TRAPPC9: variants seen among roughly 807,000 people sequenced by gnomAD.
TRAPPC9 encodes trafficking protein particle complex subunit 9.
TRAPPC9 carries 83 observed loss-of-function variants against 124.0 expected under a neutral mutation model. The ratio of observed to expected loss-of-function variants is 0.67; its 90% CI spans 0.56 to 0.80. The LOEUF (loss-of-function observed/expected upper bound fraction) is 0.80, where lower values mean the gene tolerates loss of function less well. Among genes scored for constraint, TRAPPC9 ranks in the 30% least tolerant of loss-of-function variants. The probability of loss-of-function intolerance (pLI) is 0.00; values close to 1 mark genes in which losing one functional copy is unlikely to be tolerated. For synonymous variants in TRAPPC9, 638 were observed against 617.5 expected (o/e 1.03, Z -0.49); for missense variants, 1,302 against 1,508.3 (o/e 0.86, Z 2.27).
chr8:140,018,324 A>ATTTTTTCTTTTTTTTTTTT lies in TRAPPC9; in HGVS notation c.2699+5612_2699+5613insAAAAAAAAAAAAGAAAAAA, dbSNP rs765656679. Among the ~76,000 whole-genome samples the ATTTTTTCTTTTTTTTTTTT allele has an allele frequency of 1.6e-3, 191 of 119,762 alleles. 23 individuals are homozygous for ATTTTTTCTTTTTTTTTTTT. Among genetic ancestry groups the ATTTTTTCTTTTTTTTTTTT allele is most frequent in the African/African-American group, 5.2e-3 (159 of 30,672 alleles). 78.6% of individuals were successfully genotyped at this position (119,762 alleles called of 152,430 possible). A position where few individuals can be genotyped will look rare whatever the true frequency, so the allele number is the denominator to read the frequency against. On this transcript the variant is annotated intron_variant, in intron 18 of 22. Coordinates refer to ENST00000438773, the MANE Select transcript of TRAPPC9 (RefSeq NM_001160372.4). The stretch of plus-strand genomic sequence containing the variant: ...TTGCTGGTATATAGAAACGTAAGTG[A>ATTTTTTCTTTTTTTTTTTT]TTTTTTTTTTTTTTTTTGAGACGGA...
chr8:140,327,017 T>G (rs1195920695), intron 9 of TRAPPC9, among the ~76,000 whole-genome samples: 3 of 152,174 alleles, frequency 2.0e-5, no homozygotes, highest in Non-Finnish European at 4.4e-5. Flanking sequence ...TCTGGGAGGC[T>G]GAGGTGAGCG....
At chr8:140,034,918 C>T (rs556821953) in intron 17 of TRAPPC9, among the ~76,000 whole-genome samples, 20 of 152,336 alleles carry the variant, frequency 1.3e-4, no homozygotes, top group Non-Finnish European at 2.2e-4. Context: ...AGAAAGCTGG[C>T]GCTGCCCTGA....
At chr8:140,045,658 A>AAC (rs1563718537) in intron 17 of TRAPPC9, among the ~76,000 whole-genome samples, 3 of 148,968 alleles carry the variant, frequency 2.0e-5, no homozygotes, top group Middle Eastern at 3.5e-3. Context: ...AAAAAAAAAA[A>AAC]ACCAAGTCAG....
At chr8:140,455,137 A>T (rs138862123) in intron 1 of TRAPPC9, among the ~76,000 whole-genome samples, 137 of 152,188 alleles carry the variant, frequency 9.0e-4, no homozygotes, top group African/African-American at 1.9e-3. Context: ...TAGCAGTATT[A>T]TTCCTCTTTT....
intron 21 of TRAPPC9, among the ~76,000 whole-genome samples, chr8:139,836,741 T>C (rs1166636780): frequency 2.0e-5 from 3 of 152,180 alleles, no homozygotes; most frequent in Admixed American, 6.5e-5. Flanking sequence ...CAATTAGTCA[T>C]GGGAAGAAAC....
At chr8:140,202,161 A>AC (rs1554643251) in intron 17 of TRAPPC9, among the ~76,000 whole-genome samples, 8 of 128,664 alleles carry the variant, frequency 6.2e-5, no homozygotes, top group Non-Finnish European at 1.3e-4. Flanking sequence ...ATCTTCTGTA[A>AC]TTAAAAAAAA....
At chr8:140,404,905 C>CGTGTGTGT (rs2069431944) in intron 6 of TRAPPC9, among the ~76,000 whole-genome samples, 1 of 58,706 alleles carries the variant, frequency 1.7e-5, no homozygotes, top group African/African-American at 4.1e-5. Context: ...TGTGTGTGAG[C>CGTGTGTGT]ATGCGTGTGT....
intron 17 of TRAPPC9, among the ~76,000 whole-genome samples, chr8:140,119,394 G>A (rs528233116): frequency 2.0e-5 from 3 of 152,064 alleles, no homozygotes; most frequent in South Asian, 2.1e-4. Flanking sequence ...CCCCTTTCCC[G>A]CAAGTCCCCA....
At chr8:140,286,540 A>G (rs1475280102) in intron 13 of TRAPPC9, among the ~76,000 whole-genome samples, 1 of 152,152 alleles carries the variant, frequency 6.6e-6, no homozygotes, top group Non-Finnish European at 1.5e-5. Context: ...GGAGAGAAGC[A>G]GCAGTTCTCA....
chr8:140,353,367 C>G lies in TRAPPC9; in HGVS notation c.1495+6683G>C, dbSNP rs7007771. The stretch of plus-strand genomic sequence containing the variant: ...CTTTTCACAGTAGCATTAATATGAC[C>G]TATTTATAGTATGCATTTTTTCCCC... On this transcript the variant is annotated intron_variant, in intron 9 of 22. Transcript: ENST00000438773. This position sits in a 1 kb window ranked among gnomAD's most constrained non-coding sequence, Gnocchi z 4.2. Among the ~76,000 whole-genome samples the G allele has an allele frequency of 6.6e-6, 1 of 151,338 alleles. No individual in the cohort carries two copies. Among genetic ancestry groups the G allele is most frequent in the Admixed American group, 6.6e-5 (1 of 15,192 alleles).
intron 17 of TRAPPC9, among the ~76,000 whole-genome samples, chr8:140,207,567 C>T (rs1234440732): frequency 1.3e-5 from 2 of 152,188 alleles, no homozygotes; most frequent in African/African-American, 4.8e-5. Context: ...TCATGCTGAA[C>T]GCACTGGTGG....
At position 140,404,845 on chromosome 8, in the gene TRAPPC9, C is replaced by T. The variant is rs143127350; in HGVS notation, c.1008+732G>A. Among the ~76,000 whole-genome samples, 802 of 147,358 alleles carry T rather than the reference C, an allele frequency of 5.4e-3. 4 individuals are homozygous for T. The highest frequency in any genetic ancestry group is 8.2e-3 in the Non-Finnish European group (551 of 66,942). ...GCATGTGTGTGAGCATGCGTGTGTACGTGCCTGTGTGCGGGTGTGAGCATG... is the reference window on the plus strand; with the variant it reads ...GCATGTGTGTGAGCATGCGTGTGTATGTGCCTGTGTGCGGGTGTGAGCATG... On this transcript the variant is annotated intron_variant, in intron 6 of 22. Transcript: ENST00000438773.
chr8:139,926,616 A>AAC (rs1832835021), intron 19 of TRAPPC9, among the ~76,000 whole-genome samples: 1 of 151,526 alleles, frequency 6.6e-6, no homozygotes, highest in African/African-American at 2.4e-5. Flanking sequence ...ATAAAAAAAA[A>AAC]AAAAAAACTC....
intron 5 of TRAPPC9, among the ~76,000 whole-genome samples, chr8:140,416,377 T>C (rs2069928281): frequency 6.6e-6 from 1 of 152,106 alleles, no homozygotes; most frequent in Non-Finnish European, 1.5e-5. Flanking sequence ...AGTAAAGTGA[T>C]TGAATCAATA....
intron 6 of TRAPPC9, chr8:140,405,227 T>C (rs2069449404): frequency 5.6e-6 from 1 of 179,840 alleles, no homozygotes. Context: ...CAGACTAAAA[T>C]GGGTCACCAC....
At chr8:139,769,149 G>A (rs1018591644) in intron 21 of TRAPPC9, among the ~76,000 whole-genome samples, 9 of 152,170 alleles carry the variant, frequency 5.9e-5, no homozygotes, top group African/African-American at 2.2e-4. Context: ...GTTATCCTCG[G>A]GGGCAGGTTC....
At chr8:140,108,012 T>C (rs891941171) in intron 17 of TRAPPC9, among the ~76,000 whole-genome samples, 1 of 151,266 alleles carries the variant, frequency 6.6e-6, no homozygotes, top group Admixed American at 6.6e-5. Flanking sequence ...TATATGCATG[T>C]AGATATGAGG....
intron 21 of TRAPPC9, among the ~76,000 whole-genome samples, chr8:139,738,006 A>G (rs1818315082): frequency 6.6e-6 from 1 of 152,152 alleles, no homozygotes; most frequent in Non-Finnish European, 1.5e-5. Flanking sequence ...AATTGAGAGG[A>G]AGGACGCAGC....
chr8:140,256,517 C>T (rs1392555895), intron 15 of TRAPPC9, among the ~76,000 whole-genome samples: 1 of 151,470 alleles, frequency 6.6e-6, no homozygotes, highest in African/African-American at 2.4e-5. Flanking sequence ...GATGTGACCT[C>T]CTCCACGCAG....
Sources: gnomAD v4.1 joint callset for allele counts (sites outside exome capture counted in the v4.1 genomes callset) on GRCh38, gnomAD v4.1.1 for gene constraint, Gnocchi (gnomAD v3.1) non-coding constraint, MANE v1.5 for transcripts, NCBI Gene and HGNC (gene_info 2026-07-23, HGNC 2026-07-21) for gene names.